Variants in SLC37A3 observed in about 807,000 individuals in gnomAD.
SLC37A3 encodes the protein sugar phosphate exchanger 3.
In SLC37A3, 51 loss-of-function variants were observed where a neutral mutation model predicts 67.1. The ratio of observed to expected loss-of-function variants is 0.76; its 90% CI spans 0.61 to 0.96. The LOEUF (loss-of-function observed/expected upper bound fraction) is 0.96, where lower values mean the gene tolerates loss of function less well. Ranked by LOEUF, SLC37A3 falls within the 40% of genes least tolerant of loss-of-function variation. SLC37A3 has a pLI of 0.00. For synonymous variants in SLC37A3, 214 were observed against 231.4 expected (o/e 0.92, Z 0.68); for missense variants, 508 against 603.0 (o/e 0.84, Z 1.65).
rs1400526860 is a variant in SLC37A3 at position 140,345,274 on chromosome 7, A to G, written c.1127-11T>C. 6.2e-7 allele frequency: 1 copy of G among 1,612,948 alleles called. No homozygotes were observed. Among genetic ancestry groups the G allele is most frequent in the Non-Finnish European group, 8.5e-7 (1 of 1,178,958 alleles). On this transcript the variant is annotated splice_polypyrimidine_tract_variant and intron_variant, in intron 11 of 14. Transcript: ENST00000326232. Reference sequence around the variant, plus strand: ...TATCATTTGGAGAACCTGTGAGGGAAGACACAGACAAACCATGGTGGCTTG... The same window carrying G: ...TATCATTTGGAGAACCTGTGAGGGAGGACACAGACAAACCATGGTGGCTTG...
At position 140,370,106 on chromosome 7, in the gene SLC37A3, G is replaced by A. The variant is rs372182769; in HGVS notation, c.199-424C>T. On this transcript the variant is annotated intron_variant, in intron 3 of 14. Coordinates refer to ENST00000326232, the MANE Select transcript of SLC37A3 (RefSeq NM_207113.3). ...GCCTGGGCAACAAGAGCGAAACTCC[G>A]TCTCAAAAAAACAAAAAAGAAAAGA... 7.3e-5 allele frequency among the ~76,000 whole-genome samples: 11 copies of A among 150,202 alleles called. No individual in the cohort carries two copies. The South Asian group carries it at 1.3e-3, about 17-fold the overall frequency.
At chr7:140,385,298 T>C (rs1798407849) in intron 1 of SLC37A3, among the ~76,000 whole-genome samples, 1 of 152,204 alleles carries the variant, frequency 6.6e-6, no homozygotes, top group African/African-American at 2.4e-5. Flanking sequence ...GACTATAAAA[T>C]TCCACTCACA....
In SLC37A3 at chr7:140,340,606, G is replaced by C. The variant is rs570698350; in HGVS notation, c.1326+2806C>G. Among the ~76,000 whole-genome samples the C allele has an allele frequency of 2.0e-5, 3 of 151,620 alleles. No homozygotes were observed. The South Asian group carries it at 6.2e-4, about 32-fold the overall frequency. ...CAGGAAGCATGGGGGGCTCCAAACT[G>C]ACTGCAACTTTGTCTTTTTTTTTTT... On this transcript the variant is annotated intron_variant, in intron 13 of 14. Coordinates refer to ENST00000326232, the MANE Select transcript of SLC37A3 (RefSeq NM_207113.3).
intron 1 of SLC37A3, 61 bp from the exon 2 acceptor site, chr7:140,382,657 A>AAATCTAAATAATACAGT: frequency 2.7e-6 from 2 of 735,574 alleles, no homozygotes; most frequent in Non-Finnish European, 4.4e-6. Flanking sequence ...CAAAAACTGT[A>AAATCTAAATAATACAGT]TTATTTAGAT....
At chr7:140,389,353 C>T (rs1303509313) in intron 1 of SLC37A3, among the ~76,000 whole-genome samples, 1 of 152,100 alleles carries the variant, frequency 6.6e-6, no homozygotes, top group Non-Finnish European at 1.5e-5. Flanking sequence ...CCACCCAGAC[C>T]GGTAATCTGG....
At chr7:140,381,264 A>G (rs1460337597) in intron 2 of SLC37A3, among the ~76,000 whole-genome samples, 1 of 150,172 alleles carries the variant, frequency 6.7e-6, no homozygotes, top group Non-Finnish European at 1.5e-5. Flanking sequence ...CTATAGTCCC[A>G]GCACTTTGGG....
intron 1 of SLC37A3, among the ~76,000 whole-genome samples, chr7:140,393,986 T>C (rs1798821280): frequency 6.6e-6 from 1 of 151,750 alleles, no homozygotes; most frequent in East Asian, 2.0e-4. Flanking sequence ...GCCTGAGCAA[T>C]ATGGTGAAAC....
At chr7:140,380,185 T>A in intron 3 of SLC37A3, 97 bp downstream of exon 3, 1 of 638,094 alleles carries the variant, frequency 1.6e-6, no homozygotes, top group Non-Finnish European at 2.7e-6. Flanking sequence ...CATTTCAGAG[T>A]CTAGGCAAGT....
At chr7:140,343,736 C>T (rs1796449803) in intron 12 of SLC37A3, 173 bp from the exon 13 acceptor site, 1 of 614,208 alleles carries the variant, frequency 1.6e-6, no homozygotes, top group Non-Finnish European at 2.8e-6. Flanking sequence ...CATCCACGTT[C>T]CTGAAATCCC....
intron 9 of SLC37A3, among the ~76,000 whole-genome samples, chr7:140,349,763 C>G (rs1796718960): frequency 6.6e-6 from 1 of 152,122 alleles, no homozygotes; most frequent in South Asian, 2.1e-4. Flanking sequence ...TACATCCCTG[C>G]CCATGTCAGA....
intron 13 of SLC37A3, among the ~76,000 whole-genome samples, chr7:140,343,136 G>A (rs1405265082): frequency 2.6e-5 from 4 of 152,194 alleles, no homozygotes; most frequent in Non-Finnish European, 5.9e-5. Flanking sequence ...ATGGTGGGCT[G>A]GGGCAGAAGG....
At position 140,358,786 on chromosome 7, in the gene SLC37A3, C is replaced by T; in HGVS notation, c.376-1G>A. Reference sequence around the variant, plus strand: ...CTGTGAGCGCACCAAAGACAAACACCTTGAAGAGGAGGAAACAAAAGGAAT... The same window carrying T: ...CTGTGAGCGCACCAAAGACAAACACTTTGAAGAGGAGGAAACAAAAGGAAT... On this transcript the variant is annotated splice_acceptor_variant, in intron 5 of 14. Transcript: ENST00000326232. LOFTEE classifies it high-confidence loss of function. 3 of 1,614,048 alleles carry T rather than the reference C, an allele frequency of 1.9e-6. No homozygotes were observed. The highest frequency in any genetic ancestry group is 2.5e-6 in the Non-Finnish European group (3 of 1,180,012).
At chr7:140,363,801 C>T (rs1465300227) in intron 5 of SLC37A3, among the ~76,000 whole-genome samples, 1 of 147,956 alleles carries the variant, frequency 6.8e-6, no homozygotes, top group East Asian at 2.0e-4. Flanking sequence ...GGAAAGCAGT[C>T]CAGCTTGGCT....
chr7:140,345,280 A>T lies in SLC37A3; in HGVS notation c.1127-17T>A. 1 of 1,612,618 alleles carries T rather than the reference A, an allele frequency of 6.2e-7. No individual in the cohort carries two copies. Among genetic ancestry groups the T allele is most frequent in the Non-Finnish European group, 8.5e-7 (1 of 1,178,806 alleles). ...TTGGAGAACCTGTGAGGGAAGACACAGACAAACCATGGTGGCTTGAAAAGC... is the reference window on the plus strand; with the variant it reads ...TTGGAGAACCTGTGAGGGAAGACACTGACAAACCATGGTGGCTTGAAAAGC... On this transcript the variant is annotated splice_polypyrimidine_tract_variant and intron_variant, in intron 11 of 14. Coordinates refer to ENST00000326232, the MANE Select transcript of SLC37A3 (RefSeq NM_207113.3).
chr7:140,346,476 A>G (rs1796566886), intron 10 of SLC37A3, among the ~76,000 whole-genome samples: 1 of 152,264 alleles, frequency 6.6e-6, no homozygotes, highest in Non-Finnish European at 1.5e-5. Context: ...CAGTGGGGAC[A>G]GGAGACCACA....
intron 5 of SLC37A3, among the ~76,000 whole-genome samples, chr7:140,359,878 T>G (rs946906354): frequency 2.0e-5 from 3 of 152,176 alleles, no homozygotes; most frequent in African/African-American, 7.2e-5. Flanking sequence ...GGCAAGTTTA[T>G]GTACAAACTG....
chr7:140,346,337 G>A (rs1020359265), intron 10 of SLC37A3, among the ~76,000 whole-genome samples: 19 of 152,118 alleles, frequency 1.2e-4, no homozygotes, highest in African/African-American at 3.4e-4. Context: ...CCGAGATTGC[G>A]CCACTGCACT....
intron 13 of SLC37A3, among the ~76,000 whole-genome samples, chr7:140,340,185 C>A (rs1425454980): frequency 6.6e-6 from 1 of 151,292 alleles, no homozygotes; most frequent in Non-Finnish European, 1.5e-5. Context: ...GAAGATTTGT[C>A]CCTGTTTTCT....
intron 5 of SLC37A3, among the ~76,000 whole-genome samples, chr7:140,363,723 A>G (rs1194724107): frequency 0.01 from 1,499 of 147,932 alleles, 15 homozygotes; most frequent in Non-Finnish European, 0.018. Flanking sequence ...TAAAAAAAAA[A>G]GAGCAAAACT....
Sources: gnomAD v4.1 joint callset for allele counts (sites outside exome capture counted in the v4.1 genomes callset) on GRCh38, gnomAD v4.1.1 for gene constraint, MANE v1.5 for transcripts, NCBI Gene and HGNC (gene_info 2026-07-23, HGNC 2026-07-21) for gene names.